Variants in ADSL observed in about 807,000 individuals in gnomAD.
ADSL encodes the protein adenylosuccinase.
In ADSL, 44 loss-of-function variants were observed where a neutral mutation model predicts 62.1. That is an observed-to-expected ratio of 0.71 (90% CI 0.56 to 0.91). The LOEUF is 0.91. Among genes scored for constraint, ADSL ranks in the 40% least tolerant of loss-of-function variants. The probability of loss-of-function intolerance (pLI) is 0.00; values close to 1 mark genes in which losing one functional copy is unlikely to be tolerated. For missense variants in ADSL, 531 were observed against 627.4 expected, an observed-to-expected ratio of 0.85 and a Z score of 1.64; for synonymous variants, 198 against 220.5, an observed-to-expected ratio of 0.90 and a Z score of 0.90.
intron 2 of ADSL, chr22:40,387,069 T>C: frequency 2.5e-6 from 1 of 393,988 alleles, no homozygotes; most frequent in East Asian, 3.6e-5. Context: ...GTCTGCAAAG[T>C]TGATAACTAG....
rs114141894 is a variant in ADSL at position 40,359,147 on chromosome 22, G to A, written c.654+112G>A. On this transcript the variant is annotated intron_variant, in intron 5 of 12. Coordinates refer to ENST00000623063, the MANE Select transcript of ADSL (RefSeq NM_000026.4). ...GACTGTGGGATGGGTGGGGTCTTTC[G>A]ACTAGAAGGAAGTTGTGGGGGTTAG... 4.1e-4 allele frequency: 648 copies of A among 1,585,938 alleles called. 2 individuals are homozygous for A. The African/African-American group carries it at 7.6e-3, about 19-fold the overall frequency.
chr22:40,387,237 C>T (rs976470694), intron 2 of ADSL: 4 of 398,352 alleles, frequency 1.0e-5, no homozygotes, highest in African/African-American at 4.1e-5. Context: ...CTGATACCTC[C>T]GTCTACTCAC....
intron 4 of ADSL, 90 bp from the exon 5 acceptor site, chr22:40,358,774 G>C: frequency 8.1e-7 from 1 of 1,242,202 alleles, no homozygotes; most frequent in East Asian, 2.3e-5. Flanking sequence ...TCCCTCCAAG[G>C]GGTAATGGTG....
downstream of ADSL, among the ~76,000 whole-genome samples, chr22:40,371,570 A>G (rs1468860385): frequency 1.3e-5 from 2 of 152,204 alleles, no homozygotes; most frequent in Non-Finnish European, 2.9e-5. Context: ...GTTTATAGGT[A>G]CATATGTTTC....
rs5757936 is a variant in ADSL at position 40,386,334 on chromosome 22, A to G, written c.90-3896A>G. Among the ~76,000 whole-genome samples, 2,331 of 152,296 alleles carry G rather than the reference A, an allele frequency of 0.015. 398 individuals carry two copies. The East Asian group carries it at 0.37, about 24-fold the overall frequency. On this transcript the variant is annotated intron_variant, in intron 2 of 2. Coordinates refer to the ADSL transcript ENST00000498234. The stretch of plus-strand genomic sequence containing the variant: ...ATTAAGTGTGAAATAATATAAAGAT[A>G]TGGACTGCTTAACCCTAAGGTTCAC...
At chr22:40,376,804 A>T (rs1476627463) in intron 2 of ADSL, among the ~76,000 whole-genome samples, 1 of 152,196 alleles carries the variant, frequency 6.6e-6, no homozygotes, top group African/African-American at 2.4e-5. Flanking sequence ...TTTAGCATAT[A>T]ATCAAGAAAT....
At chr22:40,353,596 G>A (rs995502668) in intron 3 of ADSL, among the ~76,000 whole-genome samples, 20 of 147,108 alleles carry the variant, frequency 1.4e-4, no homozygotes, top group Admixed American at 1.4e-4. Context: ...CTCTTTAAAA[G>A]ACTAAATGGT....
At chr22:40,359,215 A>C in intron 5 of ADSL, 45 bp from the exon 6 acceptor site, 1 of 1,609,872 alleles carries the variant, frequency 6.2e-7, no homozygotes, top group Non-Finnish European at 8.5e-7. Context: ...GCATTCTCAC[A>C]CTGGACACAT....
In ADSL at chr22:40,350,044, C is replaced by CTGTGT. The variant is rs752671635; in HGVS notation, c.357+13_357+17dup. 6.2e-7 allele frequency: 1 copy of CTGTGT among 1,612,178 alleles called. No individual in the cohort carries two copies. The highest frequency in any genetic ancestry group is 2.2e-5 in the East Asian group (1 of 44,878). On this transcript the variant is annotated intron_variant, in intron 2 of 12. Transcript: ENST00000623063. ...ATGTTGGAGACAATACTGTAGGCGCCTGTGTTGTTTATACTTAAAACTCAG... is the reference window on the plus strand; with the variant it reads ...ATGTTGGAGACAATACTGTAGGCGCCTGTGTTGTGTTGTTTATACTTAAAACTCAG...
intron 2 of ADSL, among the ~76,000 whole-genome samples, chr22:40,374,896 T>C (rs574001167): frequency 3.9e-4 from 59 of 152,238 alleles, no homozygotes; most frequent in African/African-American, 1.3e-3. Context: ...AACAAACACA[T>C]TGTACCAGTA....
intron 2 of ADSL, among the ~76,000 whole-genome samples, chr22:40,384,193 A>G (rs575885926): frequency 2.9e-4 from 44 of 152,106 alleles, no homozygotes; most frequent in Non-Finnish European, 5.7e-4. Flanking sequence ...GCAGTGAGTC[A>G]TGATCCCACC....
chr22:40,383,018 A>G (rs2047822102), intron 2 of ADSL, among the ~76,000 whole-genome samples: 1 of 152,102 alleles, frequency 6.6e-6, no homozygotes, highest in Non-Finnish European at 1.5e-5. Flanking sequence ...TGTGTAGGTC[A>G]TAAAACAGGT....
At chr22:40,372,887 G>GTTACTCA (rs2045866157), downstream of ADSL, 1 of 152,216 alleles carries the variant, frequency 6.6e-6, no homozygotes, top group Non-Finnish European at 1.5e-5. Context: ...TCTCCAGATA[G>GTTACTCA]CCTGTTATTC....
At chr22:40,348,729 C>G in intron 1 of ADSL, 1 of 397,080 alleles carries the variant, frequency 2.5e-6, no homozygotes, top group Non-Finnish European at 4.4e-6. Flanking sequence ...TTTAAATAGC[C>G]ATATCTGGCT....
At chr22:40,348,036 T>C (rs2044209305) in intron 1 of ADSL, among the ~76,000 whole-genome samples, 1 of 152,202 alleles carries the variant, frequency 6.6e-6, no homozygotes, top group South Asian at 2.1e-4. Flanking sequence ...GTATGTGTTC[T>C]TTGTGTTGGC....
At chr22:40,350,754 G>A (rs1354864917) in intron 2 of ADSL, among the ~76,000 whole-genome samples, 2 of 152,016 alleles carry the variant, frequency 1.3e-5, no homozygotes, top group African/African-American at 2.4e-5. Flanking sequence ...CAGTAGCTGG[G>A]ATTCCACGCG....
chr22:40,348,899 G>A (rs1250100604), intron 1 of ADSL: 3 of 287,544 alleles, frequency 1.0e-5, no homozygotes, highest in African/African-American at 4.3e-5. Flanking sequence ...GCTATTTTTT[G>A]CAGCCTAATT....
chr22:40,379,255 A>G (rs961774119), intron 2 of ADSL: 1 of 152,206 alleles, frequency 6.6e-6, no homozygotes, highest in East Asian at 1.9e-4. Flanking sequence ...CTCAATAAAC[A>G]TATGTTGATT....
At chr22:40,386,786 A>C (rs968594956) in intron 2 of ADSL, among the ~76,000 whole-genome samples, 14 of 151,928 alleles carry the variant, frequency 9.2e-5, no homozygotes, top group Admixed American at 6.6e-5. Flanking sequence ...TCTATAATTC[A>C]TGACTTTGTG....
Sources: allele counts gnomAD v4.1 joint callset (sites outside exome capture counted in the v4.1 genomes callset), GRCh38; gene constraint gnomAD v4.1.1; transcripts MANE v1.5; gene names NCBI Gene and HGNC (gene_info 2026-07-23, HGNC 2026-07-21).